MARCHF10: variants seen among roughly 807,000 people sequenced by gnomAD.
MARCHF10 encodes the protein membrane associated ring-CH-type finger 10, also known as probable E3 ubiquitin-protein ligase MARCHF10.
A neutral mutation model predicts 76.2 loss-of-function variants in MARCHF10; 64 were observed. That is an observed-to-expected ratio of 0.84 (90% CI 0.69 to 1.03). The LOEUF is 1.03. Among genes scored for constraint, MARCHF10 ranks in the 50% least tolerant of loss-of-function variants. The pLI is 0.00. For synonymous variants in MARCHF10, 340 were observed against 357.5 expected (o/e 0.95, Z 0.55); for missense variants, 875 against 958.0 (o/e 0.91, Z 1.14).
In MARCHF10 at chr17:62,711,115, A is replaced by T; in HGVS notation, c.2328+116T>A. ...GCTAAATCTTAGTCCTAACAATGAT[A>T]GTCCCATATCCTCCCAAGCGACCGT... On this transcript the variant is annotated intron_variant, in intron 9 of 10. Coordinates refer to ENST00000311269, the MANE Select transcript of MARCHF10 (RefSeq NM_152598.4). The surrounding 1 kb of genome is among the most constrained non-coding windows in gnomAD (Gnocchi z 4.4). 1.3e-6 allele frequency: 1 copy of T among 764,288 alleles called. No homozygotes were observed. Among genetic ancestry groups the T allele is most frequent in the Non-Finnish European group, 2.3e-6 (1 of 444,038 alleles). 47.3% of individuals were successfully genotyped at this position (764,288 alleles called of 1,614,324 possible). A position where few individuals can be genotyped will look rare whatever the true frequency, so the allele number is the denominator to read the frequency against.
intron 3 of MARCHF10, among the ~76,000 whole-genome samples, chr17:62,787,972 TATC>T (rs966274497): frequency 4.6e-5 from 7 of 152,214 alleles, no homozygotes; most frequent in African/African-American, 1.4e-4. Context: ...AAAAATATTT[TATC>T]ATCATATTGC....
At position 62,710,455 on chromosome 17, in the gene MARCHF10, C is replaced by T. The variant is rs111749478; in HGVS notation, c.2328+776G>A. On this transcript the variant is annotated intron_variant, in intron 9 of 10. Transcript: ENST00000311269. ...AGGAGATATCTTGGCAGAGCCCCAG[C>T]CTGTTGTCTTAATTGAGAGCTCAGG... 9.1e-3 allele frequency among the ~76,000 whole-genome samples: 1,374 copies of T among 151,096 alleles called. 16 individuals are homozygous for T. The highest frequency in any genetic ancestry group is 0.032 in the African/African-American group (1,325 of 40,984).
intron 2 of MARCHF10, among the ~76,000 whole-genome samples, chr17:62,795,521 AG>A (rs879351543): frequency 3.9e-5 from 6 of 152,180 alleles, no homozygotes; most frequent in Non-Finnish European, 5.9e-5. Flanking sequence ...TTTTCTCAAA[AG>A]GGTCCCACCC....
chr17:62,777,376 C>T (rs769771511), intron 3 of MARCHF10, among the ~76,000 whole-genome samples: 2 of 152,174 alleles, frequency 1.3e-5, no homozygotes, highest in African/African-American at 4.8e-5. Context: ...GACCTAACGA[C>T]CCAGAAGTTA....
Position 62,773,151 on chromosome 17 carries a change from C to T in MARCHF10, c.211-13145G>A, listed in dbSNP as rs2092478953. Among the ~76,000 whole-genome samples the T allele has an allele frequency of 2.6e-5, 4 of 152,240 alleles. No homozygotes were observed. In the South Asian group the frequency reaches 8.3e-4, roughly 32 times the overall value. On this transcript the variant is annotated intron_variant, in intron 3 of 10. Transcript: ENST00000311269. Reference sequence around the variant, plus strand: ...CCCATCCTCGAGGAATCCCAAGGTTCAGAGCCTGGGTGGAGGACGATGAGA... The same window carrying T: ...CCCATCCTCGAGGAATCCCAAGGTTTAGAGCCTGGGTGGAGGACGATGAGA...
At chr17:62,705,354 C>T in intron 10 of MARCHF10, 185 bp downstream of exon 10, 1 of 1,514,832 alleles carries the variant, frequency 6.6e-7, no homozygotes, top group East Asian at 2.5e-5. Flanking sequence ...GCTCTGCATC[C>T]AGTGAACTTG....
intron 6 of MARCHF10, among the ~76,000 whole-genome samples, chr17:62,729,557 A>AAT (rs1743852463): frequency 6.8e-6 from 1 of 148,084 alleles, no homozygotes; most frequent in African/African-American, 2.5e-5. Flanking sequence ...TAAATATACA[A>AAT]ATATAAATGT....
chr17:62,737,513 C>A, intron 5 of MARCHF10, 181 bp from the exon 6 acceptor site: 1 of 617,764 alleles, frequency 1.6e-6, no homozygotes, highest in Non-Finnish European at 2.8e-6. Flanking sequence ...CATTTTACTG[C>A]CCCGTATTCT....
intron 7 of MARCHF10, among the ~76,000 whole-genome samples, chr17:62,723,559 CTTTT>C (rs60456766): frequency 0.04 from 3,176 of 80,354 alleles, 409 homozygotes; most frequent in African/African-American, 0.17. Flanking sequence ...GTTCGCTTGA[CTTTT>C]TTTTTTTTTT....
At chr17:62,731,099 A>G (rs933082779) in intron 6 of MARCHF10, among the ~76,000 whole-genome samples, 4 of 152,196 alleles carry the variant, frequency 2.6e-5, no homozygotes, top group African/African-American at 9.6e-5. Context: ...TGAGCATTGG[A>G]GTTTCTAAGC....
At chr17:62,762,709 C>T (rs755102416) in intron 3 of MARCHF10, among the ~76,000 whole-genome samples, 7 of 152,162 alleles carry the variant, frequency 4.6e-5, no homozygotes, top group Non-Finnish European at 7.3e-5. Flanking sequence ...CCATGCCTGG[C>T]TAATTTTCTG....
At chr17:62,786,600 A>G (rs754897295) in intron 3 of MARCHF10, among the ~76,000 whole-genome samples, 1 of 152,202 alleles carries the variant, frequency 6.6e-6, no homozygotes, top group Admixed American at 6.5e-5. Flanking sequence ...TATAAACTGT[A>G]TTATAGAAGC....
intron 2 of MARCHF10, among the ~76,000 whole-genome samples, chr17:62,792,092 G>C: frequency 6.6e-6 from 1 of 152,008 alleles, no homozygotes; most frequent in East Asian, 1.9e-4. Context: ...GGGAAGATCA[G>C]GGCTTCTTCC....
chr17:62,750,704 G>C (rs114589205), intron 4 of MARCHF10, among the ~76,000 whole-genome samples: 551 of 152,314 alleles, frequency 3.6e-3, no homozygotes, highest in African/African-American at 0.013. Context: ...GCGTCACTGC[G>C]GAGTTAACCA....
rs758824281 is a variant in MARCHF10, at chr17:62,705,522, T to C, written c.2371+17A>G. 6.2e-7 allele frequency: 1 copy of C among 1,614,202 alleles called. No homozygotes were observed. The highest frequency in any genetic ancestry group is 1.1e-5 in the South Asian group (1 of 91,078). On this transcript the variant is annotated intron_variant, in intron 10 of 10. Coordinates refer to ENST00000311269, the MANE Select transcript of MARCHF10 (RefSeq NM_152598.4). The stretch of plus-strand genomic sequence containing the variant: ...GCAAACACCCTCAAAATGGCAGGAC[T>C]GGCCCCCAAAACCTACTTTCATTTT...
intron 1 of MARCHF10, among the ~76,000 whole-genome samples, chr17:62,803,202 C>T (rs946478555): frequency 6.6e-6 from 1 of 151,806 alleles, no homozygotes; most frequent in African/African-American, 2.4e-5. Context: ...GTGGGAGGAT[C>T]GCTTCAGCCC....
At chr17:62,783,181 G>T (rs993479328) in intron 3 of MARCHF10, among the ~76,000 whole-genome samples, 11 of 140,200 alleles carry the variant, frequency 7.8e-5, no homozygotes, top group Non-Finnish European at 7.6e-5. Flanking sequence ...ATATTTTAGA[G>T]GAAAAATTGC....
intron 2 of MARCHF10, 52 bp downstream of exon 2, chr17:62,801,594 C>T: frequency 6.8e-7 from 1 of 1,472,496 alleles, no homozygotes; most frequent in Non-Finnish European, 9.5e-7. Context: ...TCTGAATTCT[C>T]TCTAAATACT....
intron 7 of MARCHF10, among the ~76,000 whole-genome samples, chr17:62,724,400 T>C (rs2090651126): frequency 6.6e-6 from 1 of 152,114 alleles, no homozygotes; most frequent in Non-Finnish European, 1.5e-5. Context: ...TTATCTAATA[T>C]GGTTCTAGAC....
Sources: gnomAD v4.1 joint callset for allele counts (sites outside exome capture counted in the v4.1 genomes callset) on GRCh38, gnomAD v4.1.1 for gene constraint, Gnocchi (gnomAD v3.1) non-coding constraint, MANE v1.5 for transcripts, NCBI Gene and HGNC (gene_info 2026-07-23, HGNC 2026-07-21) for gene names.